The following JAK2 variants were observed in gnomAD, a reference collection of about 807,000 sequenced individuals.
The protein encoded by JAK2 is Janus kinase 2, also known as tyrosine-protein kinase JAK2.
JAK2 carries 86 observed loss-of-function variants against 139.3 expected under a neutral mutation model. The ratio of observed to expected loss-of-function variants is 0.62; its 90% CI spans 0.52 to 0.74. The LOEUF (loss-of-function observed/expected upper bound fraction) is 0.74, where lower values mean the gene tolerates loss of function less well. Ranked by LOEUF, JAK2 falls within the 30% of genes least tolerant of loss-of-function variation. The probability of loss-of-function intolerance (pLI) is 0.00; values close to 1 mark genes in which losing one functional copy is unlikely to be tolerated. For synonymous variants in JAK2, 490 were observed against 437.7 expected, an observed-to-expected ratio of 1.12 and a Z score of -1.49; for missense variants, 1,421 against 1,360.3, an observed-to-expected ratio of 1.04 and a Z score of -0.70.
Position 5,054,466 on chromosome 9 carries a change from A to G in JAK2, c.615-97A>G. On this transcript the variant is annotated intron_variant, in intron 6 of 24. Transcript: ENST00000381652. The surrounding 1 kb of genome is among the most constrained non-coding windows in gnomAD (Gnocchi z 4.9). ...GCCACTGTGTTGTAAGGCCTACTTA[A>G]TCATGGAAAAAGGTGGTAACTTCTT... 2.0e-6 allele frequency: 2 copies of G among 1,015,134 alleles called. No homozygotes were observed. The highest frequency in any genetic ancestry group is 2.4e-5 in the Admixed American group (1 of 41,748). 62.9% of individuals were successfully genotyped at this position (1,015,134 alleles called of 1,614,324 possible). A position where few individuals can be genotyped will look rare whatever the true frequency, so the allele number is the denominator to read the frequency against.
intron 4 of JAK2, among the ~76,000 whole-genome samples, chr9:5,030,367 TA>T (rs1823066320): frequency 6.6e-6 from 1 of 152,174 alleles, no homozygotes; most frequent in African/African-American, 2.4e-5. Flanking sequence ...TAATTTATGG[TA>T]ATGTGTAATG....
chr9:5,077,851 C>T (rs895566274), intron 15 of JAK2, among the ~76,000 whole-genome samples: 1 of 152,148 alleles, frequency 6.6e-6, no homozygotes, highest in Non-Finnish European at 1.5e-5. Flanking sequence ...GAAAATTCAA[C>T]CAAAAATTAT....
intron 19 of JAK2, among the ~76,000 whole-genome samples, chr9:5,089,446 G>A (rs1356365849): frequency 6.7e-6 from 1 of 150,100 alleles, no homozygotes; most frequent in Non-Finnish European, 1.5e-5. Flanking sequence ...GCTGAGGCAG[G>A]AGAATGGTGT....
intron 3 of JAK2, among the ~76,000 whole-genome samples, chr9:5,025,514 G>T (rs1587841518): frequency 1.4e-5 from 2 of 144,422 alleles, no homozygotes; most frequent in South Asian, 2.2e-4. Flanking sequence ...TTCTTCTTTT[G>T]TTTAAGTGGA....
rs1817595322 is a variant in JAK2 at position 5,054,015 on chromosome 9, C to G, written c.615-548C>G. Among the ~76,000 whole-genome samples, 1 of 151,938 alleles carries G rather than the reference C, an allele frequency of 6.6e-6. No individual in the cohort carries two copies. The highest frequency in any genetic ancestry group is 1.5e-5 in the Non-Finnish European group (1 of 67,908). ...CATAGAGATGAATGTACAGAAAAGTCAGAATATTTCTAAATGGAATTGTTT... is the reference window on the plus strand; with the variant it reads ...CATAGAGATGAATGTACAGAAAAGTGAGAATATTTCTAAATGGAATTGTTT... On this transcript the variant is annotated intron_variant, in intron 6 of 24. Transcript: ENST00000381652. This position sits in a 1 kb window ranked among gnomAD's most constrained non-coding sequence, Gnocchi z 4.9.
At position 5,127,981 on chromosome 9, in the gene JAK2, A is replaced by G. The variant is rs1452390183; in HGVS notation, c.*1190A>G. 4.3e-6 allele frequency: 1 copy of G among 231,594 alleles called. No homozygotes were observed. Among genetic ancestry groups the G allele is most frequent in the Non-Finnish European group, 8.5e-6 (1 of 117,038 alleles). 14.3% of individuals were successfully genotyped at this position (231,594 alleles called of 1,614,324 possible). The stretch of plus-strand genomic sequence containing the variant: ...TTTAAGAAAAATGAGCATACATCTT[A>G]AATCTTTTCAATTAAGTATAAGGGG... On this transcript the variant is annotated 3_prime_UTR_variant, in exon 25 of 25. Transcript: ENST00000381652.
At position 5,081,746 on chromosome 9, in the gene JAK2, A is replaced by G; in HGVS notation, c.2456A>G (p.Asn819Ser). 6.3e-7 allele frequency: 1 copy of G among 1,598,090 alleles called. No homozygotes were observed. The highest frequency in any genetic ancestry group is 8.6e-7 in the Non-Finnish European group (1 of 1,165,698). The change falls in exon 19 of 25, where the codon AAT (asparagine) becomes AGT (serine). Residue 819 changes from asparagine to serine, a missense_variant. Physicochemically the swap from Asn to Ser is conservative, Grantham distance 46. Coordinates refer to ENST00000381652, the MANE Select transcript of JAK2 (RefSeq NM_004972.4). ...CCAGATTATGAACTATTAACAGAAAATGACATGTTACCAAATATGAGGATA... is the reference window on the plus strand; with the variant it reads ...CCAGATTATGAACTATTAACAGAAAGTGACATGTTACCAAATATGAGGATA... The part of the protein sequence containing the change: ...FTPDYELLTE[N>S]DMLPNMRIGA...
chr9:5,045,787 G>A (rs1440036324), intron 5 of JAK2, among the ~76,000 whole-genome samples: 10 of 152,116 alleles, frequency 6.6e-5, no homozygotes, highest in African/African-American at 2.4e-4. Context: ...CATTGCATAT[G>A]TATACTGCAT....
chr9:5,103,947 TG>T (rs1288682041), intron 22 of JAK2, among the ~76,000 whole-genome samples: 1 of 152,126 alleles, frequency 6.6e-6, no homozygotes, highest in Non-Finnish European at 1.5e-5. Flanking sequence ...TAGCACTAAA[TG>T]CCCACAAGAG....
At chr9:5,043,878 TA>T (rs1379063802) in intron 4 of JAK2, among the ~76,000 whole-genome samples, 5 of 152,220 alleles carry the variant, frequency 3.3e-5, no homozygotes, top group Admixed American at 6.5e-5. Context: ...TAGATTGTGA[TA>T]TTTGTACAAT....
At chr9:5,091,045 C>G (rs559655659) in intron 22 of JAK2, 134 bp downstream of exon 22, 1 of 459,670 alleles carries the variant, frequency 2.2e-6, no homozygotes, top group South Asian at 3.5e-5. Flanking sequence ...TTACATTTAA[C>G]TTTTTTTTTT....
At chr9:5,008,823 C>T (rs1170272546) in intron 2 of JAK2, among the ~76,000 whole-genome samples, 1 of 152,116 alleles carries the variant, frequency 6.6e-6, no homozygotes, top group East Asian at 1.9e-4. Context: ...TGTTTTCATT[C>T]GTCCTCCATC....
chr9:5,065,235 C>T (rs999112334), intron 9 of JAK2, among the ~76,000 whole-genome samples, 195 bp downstream of exon 9: 3 of 152,096 alleles, frequency 2.0e-5, no homozygotes, highest in Non-Finnish European at 2.9e-5. Context: ...GTATCCCAAT[C>T]TATAATATTT....
intron 16 of JAK2, among the ~76,000 whole-genome samples, chr9:5,079,949 C>G (rs906612455): frequency 6.6e-6 from 1 of 152,140 alleles, no homozygotes; most frequent in Non-Finnish European, 1.5e-5. Context: ...GATTCTAATT[C>G]TGTCTCTGCT....
rs185926868 is a variant in JAK2, at chr9:5,088,145, G to C, written c.2572-1529G>C. ...TAAGGATGAAAAACCTCATTTTAGG[G>C]AGTTCTGAATTGTCCGCGGTCACAG... is the stretch of plus-strand genomic sequence containing the variant. On this transcript the variant is annotated intron_variant, in intron 19 of 24. Coordinates refer to ENST00000381652, the MANE Select transcript of JAK2 (RefSeq NM_004972.4). Among the ~76,000 whole-genome samples, 50 of 152,232 alleles carry C rather than the reference G, an allele frequency of 3.3e-4. No homozygotes were observed. In the East Asian group the frequency reaches 9.6e-3, roughly 29 times the overall value.
chr9:4,991,437 A>T (rs1820238071), intron 2 of JAK2, among the ~76,000 whole-genome samples: 1 of 152,164 alleles, frequency 6.6e-6, no homozygotes, highest in South Asian at 2.1e-4. Context: ...TATTTTTATA[A>T]TATAAAGGGC....
In JAK2 at chr9:5,037,873, G is replaced by A. The variant is rs138707178; in HGVS notation, c.351-6530G>A. Among the ~76,000 whole-genome samples the A allele has an allele frequency of 5.7e-3, 865 of 152,008 alleles. 9 individuals are homozygous for A. The highest frequency in any genetic ancestry group is 0.02 in the African/African-American group (827 of 41,484). On this transcript the variant is annotated intron_variant, in intron 4 of 24. Coordinates refer to ENST00000381652, the MANE Select transcript of JAK2 (RefSeq NM_004972.4). ...AAGTATAATAGAAAAAAATGAAAAG[G>A]CAAATTGTAAAGATAGTTTCAACAA...
In JAK2 at chr9:5,033,622, G is replaced by T. The variant is rs538295281; in HGVS notation, c.350+3716G>T. The stretch of plus-strand genomic sequence containing the variant: ...AAGAAAAGAATTTTCAACCCAGAAT[G>T]TCATATCCAGCCAAACTAAGCTTCA... On this transcript the variant is annotated intron_variant, in intron 4 of 24. Transcript: ENST00000381652. Among the ~76,000 whole-genome samples the T allele has an allele frequency of 6.6e-3, 1,012 of 152,248 alleles. 9 individuals are homozygous for T. Among genetic ancestry groups the T allele is most frequent in the African/African-American group, 0.023 (948 of 41,540 alleles).
chr9:4,988,266 G>A (rs779382291), intron 2 of JAK2, among the ~76,000 whole-genome samples: 5 of 152,108 alleles, frequency 3.3e-5, no homozygotes, highest in African/African-American at 1.2e-4. Flanking sequence ...GTTGGTTCAT[G>A]GTTTCAATAT....
Sources: gnomAD v4.1 joint callset for allele counts (sites outside exome capture counted in the v4.1 genomes callset) on GRCh38, gnomAD v4.1.1 for gene constraint, Gnocchi (gnomAD v3.1) non-coding constraint, MANE v1.5 for transcripts, NCBI Gene and HGNC (gene_info 2026-07-23, HGNC 2026-07-21) for gene names.